Variants in AKAP9 observed in about 807,000 individuals in gnomAD.
AKAP9 encodes the protein A-kinase anchoring protein 9, also known as A-kinase anchor protein 9.
In AKAP9, 311 loss-of-function variants were observed where a neutral mutation model predicts 488.5. The observed-to-expected ratio is 0.64, with a 90% CI of 0.58 to 0.70. The LOEUF (loss-of-function observed/expected upper bound fraction) is 0.70. AKAP9 is among the 30% of genes least tolerant of loss of function. AKAP9 has a pLI of 0.00. For synonymous variants in AKAP9, 1,462 were observed against 1,483.5 expected (o/e 0.99, Z 0.33); for missense variants, 4,215 against 4,374.5 (o/e 0.96, Z 1.03).
chr7:92,082,332 T>C (rs187419162), intron 31 of AKAP9, among the ~76,000 whole-genome samples, 190 bp from the exon 32 acceptor site: 2 of 152,348 alleles, frequency 1.3e-5, no homozygotes, highest in East Asian at 3.9e-4. Flanking sequence ...AAGAAAATCA[T>C]TGTCTCAAGA....
intron 35 of AKAP9, 36 bp from the exon 36 acceptor site, chr7:92,085,459 T>G: frequency 1.9e-6 from 3 of 1,588,842 alleles, no homozygotes; most frequent in Non-Finnish European, 2.6e-6. Context: ...TGTGAAGAAG[T>G]TGTCATAATT....
In AKAP9 at chr7:92,042,088, AG is replaced by A. The variant is rs1266814024; in HGVS notation, c.4963del (p.Val1655CysfsTer3). 6.2e-7 allele frequency: 1 copy of A among 1,613,758 alleles called. No homozygotes were observed. On this transcript the variant is annotated frameshift_variant, in exon 19 of 50. Transcript: ENST00000356239. LOFTEE classifies it high-confidence loss of function. Reference sequence around the variant, plus strand: ...TGAAAACCTGGTTTCAGAGAGAGAGAGGGTGCTTTTAGAGGAGCTGGAAGCA... The same window carrying A: ...TGAAAACCTGGTTTCAGAGAGAGAGAGGTGCTTTTAGAGGAGCTGGAAGCA... Reference protein sequence around the residue: ...DNENLVSERERVLLEELEALK... With the variant: ...DNENLVSEREXVLLEELEALK...
intron 3 of AKAP9, among the ~76,000 whole-genome samples, chr7:91,987,828 T>G (rs1797290261): frequency 6.6e-6 from 1 of 152,044 alleles, no homozygotes; most frequent in Admixed American, 6.6e-5. Flanking sequence ...CTGTAATAGT[T>G]TTTATATTGG....
At chr7:92,028,254 T>C (rs1274311194) in intron 14 of AKAP9, among the ~76,000 whole-genome samples, 9 of 110,602 alleles carry the variant, frequency 8.1e-5, no homozygotes, top group African/African-American at 3.2e-4. Flanking sequence ...CCCTGCCACA[T>C]CCCCCTCTCT....
chr7:92,078,174 T>A (rs1457415595), intron 30 of AKAP9, among the ~76,000 whole-genome samples: 1 of 152,000 alleles, frequency 6.6e-6, no homozygotes, highest in East Asian at 1.9e-4. Flanking sequence ...TTTTTTGTAT[T>A]TTTAATAGAG....
In AKAP9 at chr7:92,002,511, A is replaced by G. The variant is rs1362428979; in HGVS notation, c.2594A>G (p.Gln865Arg). The change falls in exon 8 of 50, where the codon CAA (glutamine) becomes CGA (arginine). Residue 865 changes from glutamine (Q) to arginine (R), a missense_variant. Physicochemically the swap from Gln to Arg is conservative, Grantham distance 43. This residue lies in a region of AKAP9 where 2,361 missense variants were observed against 2,430.0 expected (regional missense o/e 0.97). Transcript: ENST00000356239. The part of the protein sequence containing the change: ...KNFEVNYQEL[Q>R]EEYACLLKVK... ...TTTGAAGTTAACTATCAAGAGTTAC[A>G]AGAGGAGTATGCTTGCCTTCTCAAA... 1 of 1,611,058 alleles carries G rather than the reference A, an allele frequency of 6.2e-7. No individual in the cohort carries two copies.
chr7:92,014,410 C>A, intron 10 of AKAP9, 82 bp downstream of exon 10: 1 of 1,029,470 alleles, frequency 9.7e-7, no homozygotes, highest in South Asian at 1.3e-5. Flanking sequence ...CTGAGGTGGT[C>A]AGATCACTTG....
intron 2 of AKAP9, among the ~76,000 whole-genome samples, chr7:91,979,838 T>TTC (rs1309871184): frequency 6.6e-6 from 1 of 152,190 alleles, no homozygotes; most frequent in Admixed American, 6.5e-5. Flanking sequence ...ATCATGCCAC[T>TTC]TAGAACAGTG....
At chr7:91,953,816 C>T (rs1253754061) in intron 1 of AKAP9, among the ~76,000 whole-genome samples, 1 of 95,374 alleles carries the variant, frequency 1.0e-5, no homozygotes, top group East Asian at 6.0e-4. Context: ...CCCCCCGCCC[C>T]CCACCACACA....
At chr7:91,942,962 C>T (rs1236148044) in intron 1 of AKAP9, among the ~76,000 whole-genome samples, 2 of 151,388 alleles carry the variant, frequency 1.3e-5, no homozygotes, top group African/African-American at 2.4e-5. Context: ...GAGCCTGGGG[C>T]GAGAGGATTG....
rs1818186628 is a variant in AKAP9, at chr7:92,104,414, A to G, written c.11331-1264A>G. 4.6e-5 allele frequency among the ~76,000 whole-genome samples: 7 copies of G among 152,004 alleles called. No individual in the cohort carries two copies. The South Asian group carries it at 1.5e-3, about 32-fold the overall frequency. Reference sequence around the variant, plus strand: ...CACTGTGTTAACCAGGATGGTCTCGATCTCCTGACCTCATGATCCGCCCGC... The same window carrying G: ...CACTGTGTTAACCAGGATGGTCTCGGTCTCCTGACCTCATGATCCGCCCGC... On this transcript the variant is annotated intron_variant, in intron 46 of 49. Coordinates refer to ENST00000356239, the MANE Select transcript of AKAP9 (RefSeq NM_005751.5).
At chr7:92,024,989 A>G (rs1411335353) in intron 14 of AKAP9, among the ~76,000 whole-genome samples, 2 of 152,182 alleles carry the variant, frequency 1.3e-5, no homozygotes, top group African/African-American at 4.8e-5. Flanking sequence ...GAACTTTAAT[A>G]TAATTTTTTT....
rs527611342 is a variant in AKAP9 at position 92,065,180 on chromosome 7, A to T, written c.5978-51A>T. 6.4e-6 allele frequency: 8 copies of T among 1,257,080 alleles called. No homozygotes were observed. The East Asian group carries it at 1.2e-4, about 20-fold the overall frequency. The allele number at this position is 1,257,080 out of a possible 1,614,324, so 77.9% of individuals were successfully genotyped here. ...CATAGTTATCAGGGATTTCATTATC[A>T]TAAGATCATTAATTGTGATTTAATT... On this transcript the variant is annotated intron_variant, in intron 24 of 49. Coordinates refer to ENST00000356239, the MANE Select transcript of AKAP9 (RefSeq NM_005751.5).
At chr7:92,016,707 ACAT>A (rs1249770085) in intron 11 of AKAP9, among the ~76,000 whole-genome samples, 4 of 152,104 alleles carry the variant, frequency 2.6e-5, no homozygotes, top group Non-Finnish European at 4.4e-5. Flanking sequence ...ACAAATAGTA[ACAT>A]CACCACTTTT....
intron 39 of AKAP9, 107 bp downstream of exon 39, chr7:92,093,423 C>A: frequency 1.1e-6 from 1 of 951,048 alleles, no homozygotes; most frequent in Non-Finnish European, 1.6e-6. Context: ...ATTTAAATAG[C>A]ATGCAACTGT....
At chr7:91,963,912 A>C (rs1273792189) in intron 1 of AKAP9, among the ~76,000 whole-genome samples, 1 of 152,176 alleles carries the variant, frequency 6.6e-6, no homozygotes, top group African/African-American at 2.4e-5. Context: ...TGGTCTAATT[A>C]ATAGTTATAT....
At chr7:92,068,028 T>TTGTTG (rs753577483) in intron 26 of AKAP9, among the ~76,000 whole-genome samples, 64 of 152,070 alleles carry the variant, frequency 4.2e-4, no homozygotes, top group Admixed American at 1.3e-3. Context: ...AATAAACTCC[T>TTGTTG]TATAATAAAA....
At position 92,108,193 on chromosome 7, in the gene AKAP9, C is replaced by T. The variant is rs1030665902; in HGVS notation, c.11547-301C>T. On this transcript the variant is annotated intron_variant, in intron 48 of 49. Transcript: ENST00000356239. ...GGAAAAGTATTGACTAAAATTGATA[C>T]TCTGATCATTATGAAAAGCTTAACA... 2.2e-4 allele frequency among the ~76,000 whole-genome samples: 33 copies of T among 152,138 alleles called. 1 individual carries two copies. Among genetic ancestry groups the T allele is most frequent in the African/African-American group, 7.7e-4 (32 of 41,426 alleles).
intron 48 of AKAP9, 78 bp downstream of exon 48, chr7:92,107,500 T>A (rs1381868234): frequency 6.1e-5 from 83 of 1,369,134 alleles, no homozygotes; most frequent in Non-Finnish European, 8.1e-5. Flanking sequence ...TTTTTAGGGC[T>A]TTGACTTCTT....
Sources: gnomAD v4.1 joint callset for allele counts (sites outside exome capture counted in the v4.1 genomes callset) on GRCh38, gnomAD v4.1.1 for gene constraint, gnomAD v4.1.1 regional missense constraint, MANE v1.5 for transcripts, NCBI Gene and HGNC (gene_info 2026-07-23, HGNC 2026-07-21) for gene names.